Variants in MAD1L1 observed in about 807,000 individuals in gnomAD.
The protein encoded by MAD1L1 is mitotic spindle assembly checkpoint protein MAD1.
In MAD1L1, 95 loss-of-function variants were observed where a neutral mutation model predicts 96.9. The ratio of observed to expected loss-of-function variants is 0.98; its 90% CI spans 0.83 to 1.16. The LOEUF is 1.16. Among genes scored for constraint, MAD1L1 ranks in the 50% most tolerant of loss-of-function variants. MAD1L1 has a pLI of 0.00. For synonymous variants in MAD1L1, 473 were observed against 396.6 expected (o/e 1.19, Z -2.29); for missense variants, 1,007 against 954.4 (o/e 1.06, Z -0.73).
chr7:1,949,281 C>T lies in MAD1L1; in HGVS notation c.1596+8348G>A, dbSNP rs543848445. On this transcript the variant is annotated intron_variant, in intron 16 of 18. Transcript: ENST00000265854. ...TCCATGGAAAGGTCGGGCGGGTTAA[C>T]GGACGTGCACATGGTCTCAGGCTCT... Among the ~76,000 whole-genome samples, 563 of 152,342 alleles carry T rather than the reference C, an allele frequency of 3.7e-3. 4 individuals are homozygous for T. Among genetic ancestry groups the T allele is most frequent in the Non-Finnish European group, 6.6e-3 (450 of 68,022 alleles).
chr7:2,201,432 G>A (rs1023159182), intron 10 of MAD1L1, among the ~76,000 whole-genome samples: 1 of 152,178 alleles, frequency 6.6e-6, no homozygotes, highest in Non-Finnish European at 1.5e-5. Flanking sequence ...CCCACAAGGA[G>A]GGGACAGCAC....
rs527478722 is a variant in MAD1L1, at chr7:1,898,268, T to G, written c.1930A>C (p.Thr644Pro). Residue 644 changes from threonine (T) to proline (P), a missense_variant, in exon 18 of 19, where the codon ACC becomes CCC. Coordinates refer to ENST00000265854, the MANE Select transcript of MAD1L1 (RefSeq NM_001013836.2). ...YTLTGYQIDI[T>P]TENQYRLTSL... is the part of the protein sequence containing the mutation. ...GTCAGCCGGTACTGGTTCTCCGTGG[T>G]GATGTCGATCTGGTAGCCGGTGAGC... The G allele has an allele frequency of 4.3e-6, 7 of 1,613,994 alleles. No homozygotes were observed. The African/African-American group carries it at 9.3e-5, about 22-fold the overall frequency.
chr7:2,104,376 G>A (rs1334385876), intron 11 of MAD1L1, among the ~76,000 whole-genome samples: 2 of 152,240 alleles, frequency 1.3e-5, no homozygotes, highest in Admixed American at 1.3e-4. Flanking sequence ...TCACGGCGGC[G>A]CAATAGCAGG....
At chr7:1,998,676 G>A (rs939716455) in intron 14 of MAD1L1, among the ~76,000 whole-genome samples, 6 of 152,138 alleles carry the variant, frequency 3.9e-5, no homozygotes, top group African/African-American at 1.4e-4. Flanking sequence ...AGGAAGCACC[G>A]ACAGCCCTCA....
At chr7:2,067,006 C>T (rs1225789799) in intron 12 of MAD1L1, among the ~76,000 whole-genome samples, 1 of 152,214 alleles carries the variant, frequency 6.6e-6, no homozygotes, top group Non-Finnish European at 1.5e-5. Context: ...ACACTTGTAG[C>T]CCAGGCCAAG....
At chr7:2,206,560 G>C (rs1792606463) in intron 10 of MAD1L1, among the ~76,000 whole-genome samples, 1 of 152,162 alleles carries the variant, frequency 6.6e-6, no homozygotes, top group African/African-American at 2.4e-5. Context: ...TTCTCCCACT[G>C]AATTATCTGG....
intron 18 of MAD1L1, among the ~76,000 whole-genome samples, chr7:1,869,347 C>A (rs1269334639): frequency 6.6e-6 from 1 of 152,130 alleles, no homozygotes; most frequent in Non-Finnish European, 1.5e-5. Flanking sequence ...AGGCTCTTAG[C>A]TCTCCCTGAA....
intron 12 of MAD1L1, among the ~76,000 whole-genome samples, chr7:2,054,291 G>A (rs1276223329): frequency 2.6e-5 from 4 of 152,256 alleles, no homozygotes; most frequent in Non-Finnish European, 5.9e-5. Flanking sequence ...CCACGCACCT[G>A]AGGCAGAGAC....
intron 11 of MAD1L1, among the ~76,000 whole-genome samples, chr7:2,079,004 C>T (rs1159179948): frequency 1.5e-5 from 2 of 133,854 alleles, no homozygotes; most frequent in South Asian, 2.8e-4. Context: ...ACAGGTGACA[C>T]GTTCCATGTG....
intron 18 of MAD1L1, among the ~76,000 whole-genome samples, chr7:1,887,079 G>A (rs988897713): frequency 6.6e-6 from 1 of 152,278 alleles, no homozygotes; most frequent in Non-Finnish European, 1.5e-5. Context: ...CACAGCCCTT[G>A]AAACACTCAC....
chr7:1,945,662 A>G (rs181048924), intron 16 of MAD1L1, among the ~76,000 whole-genome samples: 1 of 152,328 alleles, frequency 6.6e-6, no homozygotes, highest in Admixed American at 6.5e-5. Context: ...GTGCTCTGTG[A>G]GCCCTCTTTC....
At chr7:1,883,085 G>C (rs1235209481) in intron 18 of MAD1L1, among the ~76,000 whole-genome samples, 1 of 143,534 alleles carries the variant, frequency 7.0e-6, no homozygotes, top group Non-Finnish European at 1.5e-5. Context: ...ACCAAACCTC[G>C]TGCCACAAAT....
In MAD1L1 at chr7:2,219,471, G is replaced by T; in HGVS notation, c.472-15C>A. 5.6e-6 allele frequency: 9 copies of T among 1,612,564 alleles called. No homozygotes were observed. The highest frequency in any genetic ancestry group is 7.6e-6 in the Non-Finnish European group (9 of 1,179,238). The stretch of plus-strand genomic sequence containing the variant: ...GCGTTGATGGTCTAAAAGTAGAGGG[G>T]ACCAGAGAGCCGCTCAGTGAGTGGA... On this transcript the variant is annotated splice_polypyrimidine_tract_variant and intron_variant, in intron 5 of 18. Coordinates refer to ENST00000265854, the MANE Select transcript of MAD1L1 (RefSeq NM_001013836.2).
intron 10 of MAD1L1, among the ~76,000 whole-genome samples, chr7:2,150,795 C>T (rs1346144286): frequency 6.6e-6 from 1 of 152,208 alleles, no homozygotes; most frequent in Non-Finnish European, 1.5e-5. Flanking sequence ...ACACAGAGCA[C>T]GCCACGGCCT....
intron 10 of MAD1L1, among the ~76,000 whole-genome samples, chr7:2,158,682 G>A (rs1050166194): frequency 3.3e-5 from 5 of 152,224 alleles, no homozygotes; most frequent in Non-Finnish European, 7.3e-5. Context: ...CATGTCAGCC[G>A]GACTTTTCTG....
rs537983932 is a variant in MAD1L1, at chr7:1,845,347, G to C, written c.1999-29119C>G. 3 of 152,432 alleles carry C rather than the reference G, an allele frequency of 2.0e-5. No individual in the cohort carries two copies. In the East Asian group the frequency reaches 5.8e-4, roughly 29 times the overall value. The allele number at this position is 152,432 out of a possible 1,614,324, so 9.4% of individuals were successfully genotyped here. Reference sequence around the variant, plus strand: ...CTGACCTTGGTGTGTTACAGCCCTTGCCACCTCCCTCCGCTGCCCTGCATG... The same window carrying C: ...CTGACCTTGGTGTGTTACAGCCCTTCCCACCTCCCTCCGCTGCCCTGCATG... On this transcript the variant is annotated intron_variant, in intron 18 of 18. Coordinates refer to ENST00000265854, the MANE Select transcript of MAD1L1 (RefSeq NM_001013836.2).
chr7:2,166,678 G>A (rs1790444023), intron 10 of MAD1L1, among the ~76,000 whole-genome samples: 2 of 152,258 alleles, frequency 1.3e-5, no homozygotes, highest in Admixed American at 1.3e-4. Flanking sequence ...CACACAAGCA[G>A]GCCCGCTTCC....
chr7:1,990,258 A>T (rs1303376664), intron 14 of MAD1L1, among the ~76,000 whole-genome samples: 1 of 152,194 alleles, frequency 6.6e-6, no homozygotes, highest in East Asian at 1.9e-4. Flanking sequence ...CCTGGGGCTG[A>T]CTGGGGCAGA....
intron 15 of MAD1L1, among the ~76,000 whole-genome samples, chr7:1,977,301 G>A (rs559215281): frequency 2.0e-5 from 3 of 152,372 alleles, no homozygotes; most frequent in East Asian, 1.9e-4. Flanking sequence ...CGACTGCAGC[G>A]CAGATGGGCC....
Sources: gnomAD v4.1 joint callset for allele counts (sites outside exome capture counted in the v4.1 genomes callset) on GRCh38, gnomAD v4.1.1 for gene constraint, MANE v1.5 for transcripts, NCBI Gene and HGNC (gene_info 2026-07-23, HGNC 2026-07-21) for gene names.